TCF12: variants seen among roughly 807,000 people sequenced by gnomAD.
The protein encoded by TCF12 is DNA-binding protein HTF4.
In TCF12, 45 loss-of-function variants were observed where a neutral mutation model predicts 86.0. That is an observed-to-expected ratio of 0.52 (90% confidence interval 0.41 to 0.67). The LOEUF is 0.67. Ranked by LOEUF, TCF12 falls within the 30% of genes least tolerant of loss-of-function variation. The pLI, the probability that TCF12 is intolerant of heterozygous loss-of-function variation, is 0.00. For missense variants in TCF12, 881 were observed against 859.9 expected (o/e 1.02, Z -0.31); for synonymous variants, 330 against 299.6 (o/e 1.10, Z -1.05).
At position 57,253,411 on chromosome 15, in the gene TCF12, C is replaced by A. The variant is rs370881239; in HGVS notation, c.1410C>A (p.Ser470Arg). The A allele has an allele frequency of 6.2e-7, 1 of 1,614,032 alleles. No individual in the cohort carries two copies. The highest frequency in any genetic ancestry group is 8.5e-7 in the Non-Finnish European group (1 of 1,179,988). Residue 470 changes from serine to arginine, a missense_variant, in exon 16 of 21, where the codon AGC becomes AGA. Physicochemically the swap from Ser to Arg is moderately radical, Grantham distance 110 (BLOSUM62 -1). Around this residue, in one of 3 missense-constraint regions of TCF12, gnomAD observed 766 missense variants for 718.9 expected, o/e 1.07. Coordinates refer to ENST00000333725, the MANE Select transcript of TCF12 (RefSeq NM_207037.2). ...LGPSHNAPIGSLNSNYGGSSL... is the reference protein window; with the variant it reads ...LGPSHNAPIGRLNSNYGGSSL... ...CATCCCATAATGCACCAATTGGAAG[C>A]CTCAATTCAAACTATGGAGGATCAA...
chr15:56,943,995 C>T (rs2140378746), intron 3 of TCF12, among the ~76,000 whole-genome samples: 1 of 152,230 alleles, frequency 6.6e-6, no homozygotes, highest in South Asian at 2.1e-4. Flanking sequence ...AGTTTAGAAC[C>T]ATTGAAGTGT....
intron 5 of TCF12, among the ~76,000 whole-genome samples, chr15:57,163,030 C>T (rs184458212): frequency 4.6e-4 from 70 of 152,000 alleles, no homozygotes; most frequent in African/African-American, 1.3e-3. Context: ...AAAAATTTGC[C>T]GGGTGTGGTG....
rs1232874871 is a variant in TCF12, at chr15:57,286,338, A to G, written c.*193A>G. On this transcript the variant is annotated 3_prime_UTR_variant, in exon 21 of 21. Transcript: ENST00000333725. ...TGGTCAACACTTCCATCAGAAGTGA[A>G]GATAGGAAGCTCATCAGATAGAACA... 4.7e-6 allele frequency: 1 copy of G among 212,856 alleles called. No individual in the cohort carries two copies. The highest frequency in any genetic ancestry group is 9.6e-6 in the Non-Finnish European group (1 of 103,630). The allele number at this position is 212,856 out of a possible 1,614,324, so 13.2% of individuals were successfully genotyped here.
At position 57,180,846 on chromosome 15, in the gene TCF12, G is replaced by T. The variant is rs181249385; in HGVS notation, c.391-11312G>T. 0.022 allele frequency among the ~76,000 whole-genome samples: 2,518 copies of T among 112,840 alleles called. 171 individuals are homozygous for T. In the East Asian group the frequency reaches 0.28, roughly 13 times the overall value. 74.0% of individuals were successfully genotyped at this position (112,840 alleles called of 152,430 possible). ...TTTTTTTTTTTTGAGATGGAGTCTC[G>T]CTCTGTCGCCCAGGCTGGAGTGCAG... On this transcript the variant is annotated intron_variant, in intron 6 of 20. Coordinates refer to ENST00000333725, the MANE Select transcript of TCF12 (RefSeq NM_207037.2).
chr15:57,233,386 G>A (rs867869470), intron 11 of TCF12, among the ~76,000 whole-genome samples: 18 of 151,458 alleles, frequency 1.2e-4, no homozygotes, highest in African/African-American at 3.2e-4. Context: ...TTATGTGGCC[G>A]GGGCTGGTCT....
At chr15:57,223,653 T>TTTTGTTTGTTTTTTG (rs1566940717) in intron 8 of TCF12, among the ~76,000 whole-genome samples, 1 of 135,294 alleles carries the variant, frequency 7.4e-6, no homozygotes, top group Non-Finnish European at 1.6e-5. Flanking sequence ...GTTTTTTTTT[T>TTTTGTTTGTTTTTTG]TTTTTTTTTT....
intron 5 of TCF12, among the ~76,000 whole-genome samples, chr15:57,106,366 T>A (rs1002084178): frequency 6.6e-6 from 1 of 152,248 alleles, no homozygotes; most frequent in African/African-American, 2.4e-5. Flanking sequence ...CATGGGAATT[T>A]TCTGTACTAA....
chr15:56,992,924 A>G (rs1167662179), intron 3 of TCF12, among the ~76,000 whole-genome samples: 2 of 152,166 alleles, frequency 1.3e-5, no homozygotes, highest in Admixed American at 6.6e-5. Flanking sequence ...TCCCTTTTCC[A>G]AGTATGATGG....
chr15:56,970,144 A>C (rs944088459), intron 3 of TCF12, among the ~76,000 whole-genome samples: 1 of 152,240 alleles, frequency 6.6e-6, no homozygotes, highest in African/African-American at 2.4e-5. Flanking sequence ...ATCTCAGAGC[A>C]CTGGGGTAAA....
chr15:56,980,203 A>G (rs1490451286), intron 3 of TCF12, among the ~76,000 whole-genome samples: 1 of 152,126 alleles, frequency 6.6e-6, no homozygotes, highest in African/African-American at 2.4e-5. Flanking sequence ...AAAAAAACAA[A>G]TTATTTTTTA....
chr15:57,267,204 C>T (rs1463065972), intron 18 of TCF12, among the ~76,000 whole-genome samples: 4 of 152,120 alleles, frequency 2.6e-5, no homozygotes, highest in African/African-American at 9.7e-5. Context: ...GTAGATAAAA[C>T]TAAAAGAAGC....
Position 57,008,371 on chromosome 15 carries a change from T to C in TCF12, c.149-55379T>C, listed in dbSNP as rs145173342. Among the ~76,000 whole-genome samples, 367 of 106,798 alleles carry C rather than the reference T, an allele frequency of 3.4e-3. 2 individuals carry two copies. Among genetic ancestry groups the C allele is most frequent in the African/African-American group, 0.012 (348 of 29,896 alleles). The allele number at this position is 106,798 out of a possible 152,430, so 70.1% of individuals were successfully genotyped here. A position where few individuals can be genotyped will look rare whatever the true frequency, so the allele number is the denominator to read the frequency against. ...TCCACTCACATTAGCCATGTAAAAATACCCTTTTTTTTTCTTTTTTTCGAG... is the reference window on the plus strand; with the variant it reads ...TCCACTCACATTAGCCATGTAAAAACACCCTTTTTTTTTCTTTTTTTCGAG... On this transcript the variant is annotated intron_variant, in intron 3 of 20. Coordinates refer to ENST00000333725, the MANE Select transcript of TCF12 (RefSeq NM_207037.2).
intron 6 of TCF12, among the ~76,000 whole-genome samples, chr15:57,176,600 G>A (rs1298080779): frequency 2.6e-5 from 4 of 152,182 alleles, no homozygotes; most frequent in African/African-American, 7.2e-5. Context: ...TTTGATAGCT[G>A]AGGAACCTGA....
At chr15:57,003,665 GA>G (rs1432552755) in intron 3 of TCF12, among the ~76,000 whole-genome samples, 1 of 152,222 alleles carries the variant, frequency 6.6e-6, no homozygotes, top group African/African-American at 2.4e-5. Flanking sequence ...TGGTGACTCA[GA>G]TTTTTTGTTA....
In TCF12 at chr15:57,286,424, A is replaced by G. The variant is rs2061935844; in HGVS notation, c.*279A>G. The G allele has an allele frequency of 3.0e-6, 1 of 328,522 alleles. No individual in the cohort carries two copies. Among genetic ancestry groups the G allele is most frequent in the African/African-American group, 2.2e-5 (1 of 46,192 alleles). 20.4% of individuals were successfully genotyped at this position (328,522 alleles called of 1,614,324 possible). A position where few individuals can be genotyped will look rare whatever the true frequency, so the allele number is the denominator to read the frequency against. On this transcript the variant is annotated 3_prime_UTR_variant, in exon 21 of 21. Transcript: ENST00000333725. ...GCAAGCAGTGTGTCGCTTCTGCACA[A>G]TCAGAGACTGTCTCGATCTCTCCAC...
chr15:57,258,330 T>G (rs2060442364), intron 16 of TCF12, among the ~76,000 whole-genome samples: 1 of 152,068 alleles, frequency 6.6e-6, no homozygotes, highest in Non-Finnish European at 1.5e-5. Flanking sequence ...TAAAAAGAGC[T>G]CTCTGCAATA....
At chr15:56,982,474 C>G (rs1348931961) in intron 3 of TCF12, among the ~76,000 whole-genome samples, 1 of 152,178 alleles carries the variant, frequency 6.6e-6, no homozygotes, top group Non-Finnish European at 1.5e-5. Context: ...GGTGCTGACT[C>G]ACTTTCCAGT....
intron 7 of TCF12, among the ~76,000 whole-genome samples, chr15:57,197,173 T>TTTTTTTTTTTTTTTTTA (rs60620441): frequency 6.7e-6 from 1 of 148,482 alleles, no homozygotes; most frequent in Non-Finnish European, 1.5e-5. Context: ...TTTTTTTTTT[T>TTTTTTTTTTTTTTTTTA]GAGACAGAGG....
At chr15:57,081,787 T>A (rs1054557405) in intron 4 of TCF12, among the ~76,000 whole-genome samples, 4 of 152,288 alleles carry the variant, frequency 2.6e-5, no homozygotes, top group African/African-American at 9.6e-5. Flanking sequence ...CAGGCTGGTC[T>A]CGAACTCCTG....
Sources: gnomAD v4.1 joint callset for allele counts (sites outside exome capture counted in the v4.1 genomes callset) on GRCh38, gnomAD v4.1.1 for gene constraint, gnomAD v4.1.1 regional missense constraint, MANE v1.5 for transcripts, NCBI Gene and HGNC (gene_info 2026-07-23, HGNC 2026-07-21) for gene names.